The following TSFM variants were observed in gnomAD, a reference collection of about 807,000 sequenced individuals.
TSFM encodes the protein elongation factor Ts, mitochondrial.
A neutral mutation model predicts 33.4 loss-of-function variants in TSFM; 29 were observed. The ratio of observed to expected loss-of-function variants is 0.87; its 90% CI spans 0.65 to 1.18. The LOEUF is 1.18. Ranked by LOEUF, TSFM falls within the 50% of genes most tolerant of loss-of-function variation. TSFM has a pLI of 0.00. For missense variants in TSFM, 394 were observed against 395.6 expected (o/e 1.00, Z 0.04); for synonymous variants, 178 against 163.5 (o/e 1.09, Z -0.68).
intron 2 of TSFM, chr12:57,783,485 C>T (rs2140413607): frequency 1.4e-6 from 1 of 724,710 alleles, no homozygotes; most frequent in East Asian, 2.7e-5. Context: ...ATTAACAAAC[C>T]AGACTGTTAC....
downstream of TSFM, chr12:57,799,759 C>G (rs1955808473): frequency 6.2e-7 from 1 of 1,611,968 alleles, no homozygotes; most frequent in Admixed American, 1.7e-5. Context: ...ACGGAGAGCT[C>G]CACTTCCAAC....
At chr12:57,794,372 CT>C (rs1955702926) in intron 5 of TSFM, among the ~76,000 whole-genome samples, 1 of 152,302 alleles carries the variant, frequency 6.6e-6, no homozygotes, top group Admixed American at 6.5e-5. Context: ...TACCTTTTGG[CT>C]TATTTGGACT....
At position 57,786,278 on chromosome 12, in the gene TSFM, C is replaced by T; in HGVS notation, c.347C>T (p.Thr116Ile). The change falls in exon 3 of 6, where the codon ACT becomes ATT. Residue 116 changes from threonine (T) to isoleucine (I), a missense_variant. By Grantham distance (89) the Thr-to-Ile change is moderately conservative. This residue lies in a region of TSFM where 208 missense variants were observed against 180.4 expected (regional missense o/e 1.15). Transcript: ENST00000652027. ...LIGLLQEGNT[T>I]VLVEVNCETD... The stretch of plus-strand genomic sequence containing the variant: ...GGGCTGTTGCAGGAAGGAAACACAA[C>T]TGTATTAGTAGAGGTGAGTTGTTGG... 1 of 1,612,030 alleles carries T rather than the reference C, an allele frequency of 6.2e-7. No homozygotes were observed. The highest frequency in any genetic ancestry group is 8.5e-7 in the Non-Finnish European group (1 of 1,178,890).
chr12:57,786,593 TATTA>T (rs1021751347), intron 3 of TSFM, among the ~76,000 whole-genome samples: 3 of 152,254 alleles, frequency 2.0e-5, no homozygotes, highest in African/African-American at 4.8e-5. Context: ...AAGTTAATTA[TATTA>T]ATTGTTGCTG....
At chr12:57,798,033 CAT>C (rs1955771246), downstream of TSFM, 3 of 1,481,812 alleles carry the variant, frequency 2.0e-6, no homozygotes, top group Non-Finnish European at 2.8e-6. Flanking sequence ...AGAAGGAAGA[CAT>C]GACATCATTG....
intron 2 of TSFM, 114 bp from the exon 3 acceptor site, chr12:57,786,044 ATTACT>A (rs1012730816): frequency 2.7e-5 from 34 of 1,257,634 alleles, no homozygotes; most frequent in Admixed American, 3.1e-5. Flanking sequence ...TAAATGATAG[ATTACT>A]TTAGTTTCTG....
chr12:57,801,721 CAA>C (rs996735797), downstream of TSFM, among the ~76,000 whole-genome samples: 1 of 151,762 alleles, frequency 6.6e-6, no homozygotes, highest in Non-Finnish European at 1.5e-5. Flanking sequence ...GCCTGGACAA[CAA>C]GAGCGAAATT....
intron 4 of TSFM, among the ~76,000 whole-genome samples, chr12:57,789,867 G>A (rs1160950578): frequency 6.6e-6 from 1 of 152,022 alleles, no homozygotes; most frequent in African/African-American, 2.4e-5. Context: ...CCTTTGATAT[G>A]CCCTTATTAT....
chr12:57,783,509 G>A lies in TSFM; in HGVS notation c.231+226G>A, dbSNP rs11172336. On this transcript the variant is annotated intron_variant, in intron 2 of 5. Transcript: ENST00000652027. Reference sequence around the variant, plus strand: ...CCAGACTGTTACGGTGTTTCTTGTTGCCTGGAGCTGAAAGGGTTTGTGTGA... The same window carrying A: ...CCAGACTGTTACGGTGTTTCTTGTTACCTGGAGCTGAAAGGGTTTGTGTGA... The A allele has an allele frequency of 8.9e-3, 6,213 of 699,300 alleles. 288 individuals carry two copies. In the African/African-American group the frequency reaches 0.098, roughly 11 times the overall value. The allele number at this position is 699,300 out of a possible 1,614,324, so 43.3% of individuals were successfully genotyped here.
downstream of TSFM, among the ~76,000 whole-genome samples, chr12:57,798,798 G>A (rs1434602281): frequency 4.0e-5 from 6 of 151,844 alleles, no homozygotes; most frequent in Admixed American, 6.6e-5. Context: ...TGTATTTTTA[G>A]TACAGACGGG....
rs1423493318 is a variant in TSFM, at chr12:57,789,088, A to C, written c.483+1926A>C. 8.6e-5 allele frequency among the ~76,000 whole-genome samples: 13 copies of C among 151,404 alleles called. 1 individual carries two copies. The highest frequency in any genetic ancestry group is 8.6e-4 in the Admixed American group (13 of 15,188). Reference sequence around the variant, plus strand: ...GCGATTCTTCCACCTCAGCCTCCCAAGTAGCTGGGATTACAGGCACCTGCC... The same window carrying C: ...GCGATTCTTCCACCTCAGCCTCCCACGTAGCTGGGATTACAGGCACCTGCC... On this transcript the variant is annotated intron_variant, in intron 4 of 5. Coordinates refer to ENST00000652027, the MANE Select transcript of TSFM (RefSeq NM_005726.6).
chr12:57,787,804 G>T (rs992201478), intron 4 of TSFM, among the ~76,000 whole-genome samples: 1 of 152,126 alleles, frequency 6.6e-6, no homozygotes, highest in East Asian at 1.9e-4. Flanking sequence ...GCGCTTGCCT[G>T]TAATCCCAGC....
At chr12:57,800,578 A>G (rs1023473139), downstream of TSFM, 2 of 152,872 alleles carry the variant, frequency 1.3e-5, no homozygotes, top group African/African-American at 4.8e-5. Flanking sequence ...CTTAAACGGC[A>G]GAGTTGAATA....
chr12:57,788,982 T>C (rs1414280996), intron 4 of TSFM, among the ~76,000 whole-genome samples: 1 of 151,176 alleles, frequency 6.6e-6, no homozygotes, highest in Non-Finnish European at 1.5e-5. Flanking sequence ...TTTTTTTTTT[T>C]TGAGATGGAG....
At chr12:57,799,885 A>T, downstream of TSFM, 6 of 1,614,168 alleles carry the variant, frequency 3.7e-6, no homozygotes, top group Middle Eastern at 1.6e-4. Flanking sequence ...GCTCACTGTC[A>T]TTAGAATTCA....
At chr12:57,801,012 T>G, downstream of TSFM, 1 of 660,804 alleles carries the variant, frequency 1.5e-6, no homozygotes, top group Non-Finnish European at 2.5e-6. Context: ...ACAAAAAGTC[T>G]TTACATCAAA....
At chr12:57,791,087 A>G (rs1955656656) in intron 4 of TSFM, among the ~76,000 whole-genome samples, 1 of 150,602 alleles carries the variant, frequency 6.6e-6, no homozygotes, top group Non-Finnish European at 1.5e-5. Flanking sequence ...TCAGCTCACT[A>G]CAGCCACCGC....
chr12:57,788,422 G>A (rs964620335), intron 4 of TSFM, among the ~76,000 whole-genome samples: 2 of 151,798 alleles, frequency 1.3e-5, no homozygotes, highest in Non-Finnish European at 2.9e-5. Context: ...GACTACAGGC[G>A]CCCGCCACCA....
At position 57,796,546 on chromosome 12, in the gene TSFM, A is replaced by G. The variant is rs370807776; in HGVS notation, c.941A>G (p.Glu314Gly). The stretch of plus-strand genomic sequence containing the variant: ...TCGGTAGTAGACTTTGTGCGGTTTG[A>G]ATGTGGAGAAGGTGAAGAGGCAGCA... ...GVSVVDFVRF[E>G]CGEGEEAAET... The change falls in exon 6 of 6, where the codon GAA becomes GGA. Residue 314 changes from glutamate to glycine, a missense_variant. By Grantham distance (98) the Glu-to-Gly change is moderately conservative. Coordinates refer to ENST00000652027, the MANE Select transcript of TSFM (RefSeq NM_005726.6). 5.5e-6 allele frequency: 8 copies of G among 1,457,496 alleles called. No homozygotes were observed. In the African/African-American group the frequency reaches 7.0e-5, roughly 13 times the overall value. The allele number at this position is 1,457,496 out of a possible 1,614,324, so 90.3% of individuals were successfully genotyped here.
Sources: gnomAD v4.1 joint callset for allele counts (sites outside exome capture counted in the v4.1 genomes callset) on GRCh38, gnomAD v4.1.1 for gene constraint, gnomAD v4.1.1 regional missense constraint, MANE v1.5 for transcripts, NCBI Gene and HGNC (gene_info 2026-07-23, HGNC 2026-07-21) for gene names.